The following AUTS2 variants were observed in gnomAD, a reference collection of about 807,000 sequenced individuals.
The protein encoded by AUTS2 is autism susceptibility gene 2 protein.
A neutral mutation model predicts 112.4 loss-of-function variants in AUTS2; 17 were observed. The observed-to-expected ratio is 0.15, with a 90% CI of 0.10 to 0.23. The LOEUF (loss-of-function observed/expected upper bound fraction) is 0.23, where lower values mean the gene tolerates loss of function less well. Among genes scored for constraint, AUTS2 ranks in the 10% least tolerant of loss-of-function variants. The pLI, the probability that AUTS2 is intolerant of heterozygous loss-of-function variation, is 1.00. For missense variants in AUTS2, 1,510 were observed against 1,701.6 expected (o/e 0.89, Z 1.98); for synonymous variants, 751 against 702.7 (o/e 1.07, Z -1.09).
At chr7:70,394,652 G>A (rs924251148) in intron 4 of AUTS2, among the ~76,000 whole-genome samples, 1 of 152,212 alleles carries the variant, frequency 6.6e-6, no homozygotes, top group African/African-American at 2.4e-5. Flanking sequence ...TGACCACTGT[G>A]GTGGGGAAGG....
intron 1 of AUTS2, among the ~76,000 whole-genome samples, chr7:69,876,502 ATATATATATATATATATATATATATATAT>A (rs1793798430): frequency 9.3e-5 from 1 of 10,762 alleles, no homozygotes; most frequent in African/African-American, 4.0e-4. Flanking sequence ...ATATATATAT[ATATATATATATATATATATATATATATAT>A]ATATATATAT....
chr7:70,118,540 A>G, intron 3 of AUTS2: 1 of 184,262 alleles, frequency 5.4e-6, no homozygotes, highest in Non-Finnish European at 1.1e-5. Flanking sequence ...GCACTTTGGG[A>G]GGCTAAAGCA....
intron 2 of AUTS2, among the ~76,000 whole-genome samples, chr7:70,057,774 A>G (rs1198243789): frequency 6.6e-6 from 1 of 152,200 alleles, no homozygotes. Flanking sequence ...ATGTTATAAA[A>G]TGCCTCAGTC....
rs766148965 is a variant in AUTS2 at position 69,984,802 on chromosome 7, ACT to A, written c.522+85309_522+85310del. Among the ~76,000 whole-genome samples the A allele has an allele frequency of 1.8e-4, 28 of 151,352 alleles. No homozygotes were observed. The South Asian group carries it at 5.9e-3, about 32-fold the overall frequency. On this transcript the variant is annotated intron_variant, in intron 2 of 18. Transcript: ENST00000342771. ...AACCCAGGTCCCCATGTGCTTTAGC[ACT>A]CTCTGTAATCATTTGTGGGCCTCTG...
Position 70,701,424 on chromosome 7 carries a change from C to T in AUTS2, c.742+2804C>T, listed in dbSNP as rs571452072. On this transcript the variant is annotated intron_variant, in intron 6 of 18. Transcript: ENST00000342771. Reference sequence around the variant, plus strand: ...ACAAAACCTATTCCAGGGCCAACATCTCTGGTGGGGATAAAACAATTAATT... The same window carrying T: ...ACAAAACCTATTCCAGGGCCAACATTTCTGGTGGGGATAAAACAATTAATT... Among the ~76,000 whole-genome samples the T allele has an allele frequency of 1.3e-3, 191 of 152,310 alleles. 1 individual carries two copies. The highest frequency in any genetic ancestry group is 5.8e-4 in the East Asian group (3 of 5,178).
intron 2 of AUTS2, among the ~76,000 whole-genome samples, chr7:69,941,418 G>A (rs1796622602): frequency 6.6e-6 from 1 of 152,140 alleles, no homozygotes; most frequent in Non-Finnish European, 1.5e-5. Context: ...CCTGTCTAGA[G>A]AACCACCAAA....
intron 2 of AUTS2, among the ~76,000 whole-genome samples, chr7:70,055,277 A>T (rs1801941457): frequency 6.6e-6 from 1 of 152,178 alleles, no homozygotes; most frequent in African/African-American, 2.4e-5. Context: ...TCTACTAAAA[A>T]TACAAAATTA....
intron 1 of AUTS2, among the ~76,000 whole-genome samples, chr7:69,898,150 A>G (rs949532246): frequency 6.6e-6 from 1 of 152,188 alleles, no homozygotes; most frequent in Non-Finnish European, 1.5e-5. Flanking sequence ...GCATGCTTGT[A>G]TCAAAACATC....
At chr7:70,064,834 C>T (rs2129561395) in intron 2 of AUTS2, among the ~76,000 whole-genome samples, 1 of 152,222 alleles carries the variant, frequency 6.6e-6, no homozygotes, top group South Asian at 2.1e-4. Flanking sequence ...GAACTTCAGT[C>T]GTTTGTATCA....
intron 16 of AUTS2, 113 bp downstream of exon 16, chr7:70,785,132 C>T: frequency 9.3e-7 from 1 of 1,080,054 alleles, no homozygotes; most frequent in South Asian, 1.3e-5. Flanking sequence ...AGATACCCTG[C>T]TTACCATTTA....
chr7:70,341,091 T>G (rs1188831207), intron 4 of AUTS2, among the ~76,000 whole-genome samples: 1 of 152,230 alleles, frequency 6.6e-6, no homozygotes, highest in African/African-American at 2.4e-5. Context: ...GTATAATGAG[T>G]TTATTGTATA....
chr7:70,098,981 C>A (rs562636300), intron 2 of AUTS2, among the ~76,000 whole-genome samples: 1 of 152,174 alleles, frequency 6.6e-6, no homozygotes, highest in East Asian at 1.9e-4. Flanking sequence ...GGATTATAGG[C>A]GTGAGCCACT....
chr7:70,121,039 G>C (rs1225323405), intron 3 of AUTS2, among the ~76,000 whole-genome samples: 1 of 152,142 alleles, frequency 6.6e-6, no homozygotes, highest in African/African-American at 2.4e-5. Flanking sequence ...CCAGAAGGGA[G>C]CCCATACTTA....
At chr7:70,042,315 G>A (rs1801284072) in intron 2 of AUTS2, among the ~76,000 whole-genome samples, 1 of 151,958 alleles carries the variant, frequency 6.6e-6, no homozygotes, top group African/African-American at 2.4e-5. Context: ...GGAATTCAAA[G>A]GATAAAAAAA....
intron 1 of AUTS2, among the ~76,000 whole-genome samples, chr7:69,886,520 T>C (rs1017541237): frequency 1.3e-5 from 2 of 152,240 alleles, no homozygotes; most frequent in Non-Finnish European, 2.9e-5. Context: ...AGTTGCTTTT[T>C]ATACCACTGA....
intron 1 of AUTS2, among the ~76,000 whole-genome samples, chr7:69,873,567 G>T (rs1793598538): frequency 6.6e-6 from 1 of 152,174 alleles, no homozygotes; most frequent in Non-Finnish European, 1.5e-5. Context: ...ACAGCACTTG[G>T]CCAGTCAATG....
At chr7:70,126,953 A>G (rs1034555572) in intron 3 of AUTS2, among the ~76,000 whole-genome samples, 1 of 151,984 alleles carries the variant, frequency 6.6e-6, no homozygotes, top group Non-Finnish European at 1.5e-5. Context: ...CAGCCTCCCA[A>G]GTAGCTGAGA....
chr7:69,929,253 T>G (rs981514423), intron 2 of AUTS2, among the ~76,000 whole-genome samples: 1 of 152,148 alleles, frequency 6.6e-6, no homozygotes, highest in African/African-American at 2.4e-5. Context: ...TTTCTGGTAA[T>G]GTAACTTGTC....
At chr7:69,666,182 A>T (rs1796026276) in intron 1 of AUTS2, among the ~76,000 whole-genome samples, 1 of 152,216 alleles carries the variant, frequency 6.6e-6, no homozygotes, top group African/African-American at 2.4e-5. Context: ...ATACGTACAC[A>T]CAGTCATACA....
Sources: gnomAD v4.1 joint callset for allele counts (sites outside exome capture counted in the v4.1 genomes callset) on GRCh38, gnomAD v4.1.1 for gene constraint, MANE v1.5 for transcripts, NCBI Gene and HGNC (gene_info 2026-07-23, HGNC 2026-07-21) for gene names.